Variants in TECPR2 observed in about 807,000 individuals in gnomAD.
The protein encoded by TECPR2 is tectonin beta-propeller repeat-containing protein 2.
TECPR2 carries 65 observed loss-of-function variants against 138.1 expected under a neutral mutation model. The ratio of observed to expected loss-of-function variants is 0.47; its 90% confidence interval spans 0.39 to 0.58. The LOEUF (loss-of-function observed/expected upper bound fraction) is 0.58. Among genes scored for constraint, TECPR2 ranks in the 20% least tolerant of loss-of-function variants. The pLI, the probability that TECPR2 is intolerant of heterozygous loss-of-function variation, is 0.00. For synonymous variants in TECPR2, 746 were observed against 749.8 expected (o/e 0.99, Z 0.08); for missense variants, 1,553 against 1,824.5 (o/e 0.85, Z 2.71).
At chr14:102,465,888 T>G (rs868285616) in intron 17 of TECPR2, among the ~76,000 whole-genome samples, 1 of 152,184 alleles carries the variant, frequency 6.6e-6, no homozygotes, top group Non-Finnish European at 1.5e-5. Context: ...CAGGCTTGGT[T>G]CCTGTGCTGA....
chr14:102,452,772 C>A, intron 16 of TECPR2, 145 bp downstream of exon 16: 2 of 660,780 alleles, frequency 3.0e-6, no homozygotes, highest in East Asian at 5.5e-5. Context: ...ATTTCAGGAG[C>A]TCAGTTGGCC....
At chr14:102,373,831 A>G (rs1887569711) in intron 1 of TECPR2, among the ~76,000 whole-genome samples, 1 of 152,148 alleles carries the variant, frequency 6.6e-6, no homozygotes, top group African/African-American at 2.4e-5. Flanking sequence ...CTGTAATCCC[A>G]GCACTTTGGG....
intron 2 of TECPR2, among the ~76,000 whole-genome samples, chr14:102,405,986 C>T (rs966610623): frequency 2.1e-5 from 3 of 145,252 alleles, no homozygotes; most frequent in Non-Finnish European, 3.0e-5. Context: ...TTCAAAATCA[C>T]GGTAAAAGGA....
At chr14:102,431,411 C>T (rs565366095) in intron 7 of TECPR2, among the ~76,000 whole-genome samples, 131 of 145,036 alleles carry the variant, frequency 9.0e-4, no homozygotes, top group Non-Finnish European at 1.3e-3. Flanking sequence ...GGCGCAATCT[C>T]GGCTCACTGC....
At chr14:102,396,639 C>A (rs1224289519) in intron 2 of TECPR2, among the ~76,000 whole-genome samples, 2 of 152,118 alleles carry the variant, frequency 1.3e-5, no homozygotes, top group Non-Finnish European at 2.9e-5. Flanking sequence ...TATTTTGGAA[C>A]TCGGAAGTCT....
chr14:102,385,048 G>T (rs187289633), intron 2 of TECPR2, among the ~76,000 whole-genome samples: 1 of 151,230 alleles, frequency 6.6e-6, no homozygotes, highest in Non-Finnish European at 1.5e-5. Context: ...GTAGAGACAG[G>T]GTTTCACCAT....
intron 7 of TECPR2, 51 bp from the exon 8 acceptor site, chr14:102,431,745 A>C (rs778055045): frequency 1.3e-6 from 2 of 1,500,746 alleles, no homozygotes; most frequent in African/African-American, 2.8e-5. Context: ...ATAAGTGCAC[A>C]TCAGCTCTCT....
intron 1 of TECPR2, 26 bp from the exon 2 acceptor site, chr14:102,376,624 A>G: frequency 1.8e-6 from 2 of 1,106,450 alleles, no homozygotes; most frequent in African/African-American, 3.1e-5. Flanking sequence ...TAGGCATTGA[A>G]AGGATTGTAA....
At chr14:102,376,114 A>G (rs1415816812) in intron 1 of TECPR2, among the ~76,000 whole-genome samples, 1 of 152,184 alleles carries the variant, frequency 6.6e-6, no homozygotes, top group East Asian at 1.9e-4. Context: ...GTTCTTCACC[A>G]TCTCATTAAC....
In TECPR2 at chr14:102,498,191, C is replaced by G. The variant is rs1249316065; in HGVS notation, c.4170C>G (p.Thr1390=). ...LTKTFSHSHG[T]QKSSQAAMPH... is the part of the protein sequence containing the mutation. The stretch of plus-strand genomic sequence containing the variant: ...AGACGTTCAGCCACTCGCACGGCAC[C>G]CAGAAGAGCAGCCAGGCCGCCATGC... The change falls in exon 20 of 20, where the codon ACC becomes ACG. Residue 1390 remains threonine (T), a synonymous_variant. Transcript: ENST00000359520. 6.2e-6 allele frequency: 10 copies of G among 1,610,656 alleles called. No homozygotes were observed. Among genetic ancestry groups the G allele is most frequent in the Non-Finnish European group, 8.5e-6 (10 of 1,180,014 alleles).
chr14:102,487,769 C>T (rs1891064379), intron 17 of TECPR2, among the ~76,000 whole-genome samples: 1 of 151,484 alleles, frequency 6.6e-6, no homozygotes, highest in Non-Finnish European at 1.5e-5. Context: ...TCTCAATCTC[C>T]TGACCTCGTG....
At chr14:102,436,414 A>G (rs540700151) in intron 9 of TECPR2, among the ~76,000 whole-genome samples, 1 of 151,528 alleles carries the variant, frequency 6.6e-6, no homozygotes, top group South Asian at 2.1e-4. Context: ...GACCTCCCCA[A>G]GCTCAAGTGA....
intron 2 of TECPR2, among the ~76,000 whole-genome samples, chr14:102,392,061 T>G (rs1005236413): frequency 6.6e-6 from 1 of 152,192 alleles, no homozygotes; most frequent in Admixed American, 6.5e-5. Flanking sequence ...TGATCTTGGC[T>G]CACCGCAACC....
intron 19 of TECPR2, 132 bp downstream of exon 19, chr14:102,497,851 C>A: frequency 7.8e-7 from 1 of 1,284,410 alleles, no homozygotes; most frequent in Non-Finnish European, 1.0e-6. Flanking sequence ...GAGGGCAAAG[C>A]CAGGAGTGTG....
intron 2 of TECPR2, among the ~76,000 whole-genome samples, chr14:102,400,949 G>T (rs1414410870): frequency 6.6e-6 from 1 of 151,958 alleles, no homozygotes; most frequent in Non-Finnish European, 1.5e-5. Context: ...CAGAGAATTG[G>T]TTGAACCCAG....
At chr14:102,387,529 C>CTTT (rs1368242295) in intron 2 of TECPR2, among the ~76,000 whole-genome samples, 2 of 141,574 alleles carry the variant, frequency 1.4e-5, no homozygotes, top group Non-Finnish European at 3.1e-5. Flanking sequence ...TCAGAGCTGT[C>CTTT]TTTTTTTTTT....
intron 2 of TECPR2, among the ~76,000 whole-genome samples, chr14:102,396,445 A>G (rs542213092): frequency 2.0e-5 from 3 of 152,224 alleles, no homozygotes; most frequent in South Asian, 2.1e-4. Flanking sequence ...TTGATTGATC[A>G]GCATTTTCGT....
chr14:102,394,498 G>A (rs1488438920), intron 2 of TECPR2, among the ~76,000 whole-genome samples: 1 of 152,118 alleles, frequency 6.6e-6, no homozygotes, highest in Admixed American at 6.6e-5. Flanking sequence ...GCTACTTGTA[G>A]GGGCTGAGGT....
chr14:102,374,026 C>T (rs981444258), intron 1 of TECPR2, among the ~76,000 whole-genome samples: 6 of 148,604 alleles, frequency 4.0e-5, no homozygotes, highest in African/African-American at 1.5e-4. Context: ...GAGCCGAGAT[C>T]GCACCACCGC....
Sources: allele counts gnomAD v4.1 joint callset (sites outside exome capture counted in the v4.1 genomes callset), GRCh38; gene constraint gnomAD v4.1.1; transcripts MANE v1.5; gene names NCBI Gene and HGNC (gene_info 2026-07-23, HGNC 2026-07-21).